FAM227B: variants seen among roughly 807,000 people sequenced by gnomAD.
FAM227B encodes protein FAM227B.
In FAM227B, 88 loss-of-function variants were observed where a neutral mutation model predicts 73.8. That is an observed-to-expected ratio of 1.19 (90% CI 1.00 to 1.42). The LOEUF (loss-of-function observed/expected upper bound fraction) is 1.42, where lower values mean the gene tolerates loss of function less well. FAM227B is among the 40% of genes most tolerant of loss of function. The pLI is 0.00. For synonymous variants in FAM227B, 210 were observed against 190.5 expected (o/e 1.10, Z -0.84); for missense variants, 632 against 590.9 (o/e 1.07, Z -0.72).
chr15:49,503,362 T>A (rs2058307463), intron 11 of FAM227B, among the ~76,000 whole-genome samples: 1 of 152,182 alleles, frequency 6.6e-6, no homozygotes, highest in South Asian at 2.1e-4. Flanking sequence ...GACATAGGCA[T>A]GGGCAAGGAC....
At chr15:49,543,236 G>A (rs541036748) in intron 9 of FAM227B, among the ~76,000 whole-genome samples, 1 of 152,208 alleles carries the variant, frequency 6.6e-6, no homozygotes, top group African/African-American at 2.4e-5. Context: ...TTGTGGTTTT[G>A]ATTTGTATTT....
At chr15:49,546,685 T>G (rs11633468) in intron 9 of FAM227B, among the ~76,000 whole-genome samples, 49,834 of 152,060 alleles carry the variant, frequency 0.33, 8,945 homozygotes, top group African/African-American at 0.46. Flanking sequence ...ATTGTGGTTT[T>G]GATTTGCATT....
chr15:49,572,210 C>A (rs926226030), intron 8 of FAM227B, among the ~76,000 whole-genome samples: 1 of 151,984 alleles, frequency 6.6e-6, no homozygotes, highest in Non-Finnish European at 1.5e-5. Flanking sequence ...TATCCTGCAA[C>A]TTAATTCATA....
chr15:49,532,350 G>A (rs1223813749), intron 10 of FAM227B, among the ~76,000 whole-genome samples: 1 of 151,674 alleles, frequency 6.6e-6, no homozygotes, highest in Non-Finnish European at 1.5e-5. Flanking sequence ...TCATAGCCTT[G>A]ATTCTTTTAT....
chr15:49,576,055 A>C (rs2075420315), intron 7 of FAM227B: 1 of 152,228 alleles, frequency 6.6e-6, no homozygotes, highest in African/African-American at 2.4e-5. Context: ...ATGGCAAGAA[A>C]ATTATTATGT....
chr15:49,616,775 T>C (rs1341360192), intron 1 of FAM227B, among the ~76,000 whole-genome samples: 1 of 152,234 alleles, frequency 6.6e-6, no homozygotes, highest in African/African-American at 2.4e-5. Flanking sequence ...TTTTGGTAAA[T>C]TATCTTTCAA....
At chr15:49,357,035 A>G (rs2151362948) in intron 13 of FAM227B, among the ~76,000 whole-genome samples, 1 of 151,690 alleles carries the variant, frequency 6.6e-6, no homozygotes, top group Non-Finnish European at 1.5e-5. Context: ...TTTGAAACCA[A>G]CGAGAACAAA....
intron 13 of FAM227B, chr15:49,353,624 T>TG (rs2151320850): frequency 6.6e-6 from 1 of 151,994 alleles, no homozygotes; most frequent in East Asian, 1.9e-4. Context: ...GTTTTTTTTT[T>TG]TTTTTGTAAA....
chr15:49,451,915 A>G (rs1043649482), intron 11 of FAM227B, among the ~76,000 whole-genome samples: 44 of 152,178 alleles, frequency 2.9e-4, no homozygotes, highest in African/African-American at 1.0e-3. Flanking sequence ...TCCAGGATCC[A>G]GGATGCTCTC....
chr15:49,533,993 G>T (rs752149115), intron 10 of FAM227B, among the ~76,000 whole-genome samples: 1 of 151,676 alleles, frequency 6.6e-6, no homozygotes, highest in East Asian at 1.9e-4. Flanking sequence ...ATTTTCTCTG[G>T]CTGTGTAATT....
intron 5 of FAM227B, among the ~76,000 whole-genome samples, chr15:49,585,068 C>T (rs1308962462): frequency 6.6e-6 from 1 of 152,118 alleles, no homozygotes. Context: ...GACATTTATG[C>T]AGCCAAAAAA....
intron 9 of FAM227B, among the ~76,000 whole-genome samples, chr15:49,565,828 G>A (rs569454220): frequency 2.6e-5 from 4 of 152,120 alleles, no homozygotes; most frequent in African/African-American, 9.7e-5. Context: ...CCTTGTAAGA[G>A]GGCAGCTGAG....
At chr15:49,543,304 CTTCTT>C (rs1233613775) in intron 9 of FAM227B, among the ~76,000 whole-genome samples, 2 of 152,058 alleles carry the variant, frequency 1.3e-5, no homozygotes, top group African/African-American at 2.4e-5. Flanking sequence ...ATTTGTATAT[CTTCTT>C]TTGAGAACTG....
At chr15:49,511,961 C>T (rs1250430759) in intron 10 of FAM227B, among the ~76,000 whole-genome samples, 10 of 152,066 alleles carry the variant, frequency 6.6e-5, no homozygotes, top group Admixed American at 5.9e-4. Context: ...TCTTTGGGTA[C>T]GTACCCAGTG....
chr15:49,406,240 A>G (rs532153541), intron 11 of FAM227B, among the ~76,000 whole-genome samples: 131 of 152,334 alleles, frequency 8.6e-4, no homozygotes, highest in African/African-American at 2.8e-3. Flanking sequence ...CAGCAGCAGC[A>G]GCAGCAGCAA....
intron 11 of FAM227B, among the ~76,000 whole-genome samples, chr15:49,403,867 A>G (rs1163290519): frequency 6.6e-6 from 1 of 151,838 alleles, no homozygotes; most frequent in Non-Finnish European, 1.5e-5. Context: ...TTAACTTGAG[A>G]TCTTTTTATC....
At chr15:49,588,265 A>G (rs2076293603) in intron 4 of FAM227B, among the ~76,000 whole-genome samples, 182 bp from the exon 5 acceptor site, 1 of 151,762 alleles carries the variant, frequency 6.6e-6, no homozygotes, top group South Asian at 2.1e-4. Flanking sequence ...GAATTATTAT[A>G]TAAAGTATAT....
intron 11 of FAM227B, among the ~76,000 whole-genome samples, chr15:49,497,819 T>C (rs1238536507): frequency 1.3e-5 from 2 of 152,238 alleles, no homozygotes; most frequent in Admixed American, 6.5e-5. Flanking sequence ...GTGTTTCTTT[T>C]AGAGGTTTAG....
chr15:49,615,324 T>G, intron 1 of FAM227B, 81 bp from the exon 2 acceptor site: 1 of 687,964 alleles, frequency 1.5e-6, no homozygotes, highest in Non-Finnish European at 2.6e-6. Context: ...AAACCTCACT[T>G]CTGACTTTTA....
Sources: gnomAD v4.1 joint callset for allele counts (sites outside exome capture counted in the v4.1 genomes callset) on GRCh38, gnomAD v4.1.1 for gene constraint, MANE v1.5 for transcripts, NCBI Gene and HGNC (gene_info 2026-07-23, HGNC 2026-07-21) for gene names.